Variants in SYNDIG1 observed in about 807,000 individuals in gnomAD.
The protein encoded by SYNDIG1 is synapse differentiation-inducing gene protein 1.
A neutral mutation model predicts 19.4 loss-of-function variants in SYNDIG1; 9 were observed. That is an observed-to-expected ratio of 0.46 (90% CI 0.28 to 0.81). SYNDIG1 has a LOEUF of 0.81. Among genes scored for constraint, SYNDIG1 ranks in the 30% least tolerant of loss-of-function variants. SYNDIG1 has a pLI of 0.12. For synonymous variants in SYNDIG1, 141 were observed against 145.9 expected (o/e 0.97, Z 0.24); for missense variants, 311 against 343.3 (o/e 0.91, Z 0.74).
chr20:24,556,013 G>A (rs1419334885), intron 2 of SYNDIG1, among the ~76,000 whole-genome samples: 4 of 152,150 alleles, frequency 2.6e-5, no homozygotes, highest in East Asian at 3.8e-4. Flanking sequence ...TATATATTTA[G>A]GATAGTTAGC....
intron 3 of SYNDIG1, among the ~76,000 whole-genome samples, chr20:24,634,479 ACC>A: frequency 6.6e-6 from 1 of 152,226 alleles, no homozygotes; most frequent in South Asian, 2.1e-4. Flanking sequence ...AGAAGTCCGT[ACC>A]AGTTTTCATT....
At chr20:24,540,070 C>T (rs906233811) in intron 1 of SYNDIG1, among the ~76,000 whole-genome samples, 3 of 152,218 alleles carry the variant, frequency 2.0e-5, no homozygotes, top group African/African-American at 4.8e-5. Flanking sequence ...GCATGACCCA[C>T]CATGCCCTGC....
At chr20:24,606,626 T>G (rs2058760882) in intron 3 of SYNDIG1, among the ~76,000 whole-genome samples, 3 of 152,354 alleles carry the variant, frequency 2.0e-5, no homozygotes, top group Middle Eastern at 6.8e-3. Context: ...GGAAACTTAC[T>G]GTAGCCCAGT....
chr20:24,626,024 G>A (rs2059122756), intron 3 of SYNDIG1, among the ~76,000 whole-genome samples: 1 of 150,494 alleles, frequency 6.6e-6, no homozygotes, highest in South Asian at 2.1e-4. Context: ...CGGACGGGGT[G>A]GCTGGCCAGG....
At chr20:24,630,379 A>G (rs187319655) in intron 3 of SYNDIG1, among the ~76,000 whole-genome samples, 1 of 152,354 alleles carries the variant, frequency 6.6e-6, no homozygotes, top group East Asian at 1.9e-4. Flanking sequence ...AAGTTTCCTT[A>G]GAAACATAAA....
intron 3 of SYNDIG1, among the ~76,000 whole-genome samples, chr20:24,592,546 A>G (rs1010864611): frequency 6.6e-6 from 1 of 152,192 alleles, no homozygotes; most frequent in Non-Finnish European, 1.5e-5. Flanking sequence ...CAGGCTGTTG[A>G]TGAACTAATC....
At chr20:24,495,603 T>A (rs1162333895) in intron 1 of SYNDIG1, 2 of 152,218 alleles carry the variant, frequency 1.3e-5, no homozygotes, top group African/African-American at 4.8e-5. Context: ...GGAACAAACA[T>A]GCCAGAGAAC....
intron 2 of SYNDIG1, among the ~76,000 whole-genome samples, chr20:24,577,317 C>T (rs1412343212): frequency 1.3e-5 from 2 of 152,214 alleles, no homozygotes; most frequent in Non-Finnish European, 2.9e-5. Flanking sequence ...GATGGTTTGA[C>T]ATGGGCAGAA....
At position 24,596,879 on chromosome 20, in the gene SYNDIG1, C is replaced by T. The variant is rs1296044522; in HGVS notation, c.618+11886C>T. 3.9e-5 allele frequency: 6 copies of T among 152,384 alleles called. No individual in the cohort carries two copies. In the East Asian group the frequency reaches 7.7e-4, roughly 20 times the overall value. The allele number at this position is 152,384 out of a possible 1,614,324, so 9.4% of individuals were successfully genotyped here. ...GTCGACTGGACACCTGCCACGTTCGCGTGTTTAGTCCCATTGGATTCAACG... is the reference window on the plus strand; with the variant it reads ...GTCGACTGGACACCTGCCACGTTCGTGTGTTTAGTCCCATTGGATTCAACG... On this transcript the variant is annotated intron_variant, in intron 3 of 3. Coordinates refer to ENST00000376862, the MANE Select transcript of SYNDIG1 (RefSeq NM_024893.3).
At chr20:24,655,008 G>A (rs117951486) in intron 3 of SYNDIG1, among the ~76,000 whole-genome samples, 298 of 152,292 alleles carry the variant, frequency 2.0e-3, no homozygotes, top group Non-Finnish European at 3.5e-3. Context: ...ATGATGTTCC[G>A]AAGCCTTCCG....
intron 3 of SYNDIG1, among the ~76,000 whole-genome samples, chr20:24,617,134 C>A (rs1478865550): frequency 6.6e-6 from 1 of 152,110 alleles, no homozygotes; most frequent in South Asian, 2.1e-4. Context: ...ATAGGTGGGC[C>A]GAGAAGAGGT....
At chr20:24,617,848 G>C in intron 3 of SYNDIG1, among the ~76,000 whole-genome samples, 1 of 143,494 alleles carries the variant, frequency 7.0e-6, no homozygotes, top group Non-Finnish European at 1.5e-5. Context: ...GGGGGTCCTG[G>C]GGGAGGGTAT....
chr20:24,647,932 C>T (rs6132755), intron 3 of SYNDIG1, among the ~76,000 whole-genome samples: 19 of 151,640 alleles, frequency 1.3e-4, no homozygotes, highest in Admixed American at 3.3e-4. Flanking sequence ...GGTACTAGCA[C>T]GGTCAGGTTC....
At chr20:24,499,245 G>A (rs1271300237) in intron 1 of SYNDIG1, among the ~76,000 whole-genome samples, 5 of 152,106 alleles carry the variant, frequency 3.3e-5, no homozygotes, top group African/African-American at 7.2e-5. Flanking sequence ...GGCTGGTCTC[G>A]AACTCCTAAC....
At chr20:24,497,709 T>C (rs2056338008) in intron 1 of SYNDIG1, among the ~76,000 whole-genome samples, 1 of 152,150 alleles carries the variant, frequency 6.6e-6, no homozygotes. Flanking sequence ...TACAAGGGCT[T>C]CTAGGCAACC....
At position 24,482,420 on chromosome 20, in the gene SYNDIG1, C is replaced by T. The variant is rs138315889; in HGVS notation, c.-79+12667C>T. On this transcript the variant is annotated intron_variant, in intron 1 of 3. Transcript: ENST00000376862. ...ATGCACATGAAAGTTAGGGAAGACA[C>T]ATCTTTCCAAAATGATTGCCCAGCT... is the stretch of plus-strand genomic sequence containing the variant. 5.8e-3 allele frequency among the ~76,000 whole-genome samples: 881 copies of T among 152,302 alleles called. 3 individuals are homozygous for T. Among genetic ancestry groups the T allele is most frequent in the Non-Finnish European group, 9.0e-3 (612 of 68,034 alleles).
chr20:24,639,135 G>T (rs13040810), intron 3 of SYNDIG1, among the ~76,000 whole-genome samples: 19 of 152,100 alleles, frequency 1.2e-4, no homozygotes, highest in African/African-American at 4.6e-4. Flanking sequence ...AGCCTAAAAT[G>T]TGGAGACAGG....
rs1455555348 is a variant in SYNDIG1 at position 24,658,615 on chromosome 20, C to G, written c.619-6731C>G. Among the ~76,000 whole-genome samples, 1 of 151,686 alleles carries G rather than the reference C, an allele frequency of 6.6e-6. No individual in the cohort carries two copies. Among genetic ancestry groups the G allele is most frequent in the Non-Finnish European group, 1.5e-5 (1 of 67,878 alleles). On this transcript the variant is annotated intron_variant, in intron 3 of 3. Transcript: ENST00000376862. The surrounding 1 kb of genome is among the most constrained non-coding windows in gnomAD (Gnocchi z 4.4). ...GAACCGTGTGGAGTATGACCCCCCA[C>G]CCCCACCCCCCGGCGATTCACTGAA...
At chr20:24,569,280 T>C (rs900959517) in intron 2 of SYNDIG1, among the ~76,000 whole-genome samples, 1 of 152,224 alleles carries the variant, frequency 6.6e-6, no homozygotes, top group Non-Finnish European at 1.5e-5. Context: ...GTGACTCGTG[T>C]GTCCATGTCT....
Sources: allele counts gnomAD v4.1 joint callset (sites outside exome capture counted in the v4.1 genomes callset), GRCh38; gene constraint gnomAD v4.1.1; non-coding constraint Gnocchi (gnomAD v3.1); transcripts MANE v1.5; gene names NCBI Gene and HGNC (gene_info 2026-07-23, HGNC 2026-07-21).